The following SLC4A10 variants were observed in gnomAD, a reference collection of about 807,000 sequenced individuals.
The protein encoded by SLC4A10 is sodium-driven chloride bicarbonate exchanger.
SLC4A10 carries 42 observed loss-of-function variants against 137.7 expected under a neutral mutation model. That is an observed-to-expected ratio of 0.30 (90% CI 0.24 to 0.39). The LOEUF is 0.39. SLC4A10 is among the 10% of genes least tolerant of loss of function. The pLI, the probability that SLC4A10 is intolerant of heterozygous loss-of-function variation, is 1.00. For missense variants in SLC4A10, 925 were observed against 1,355.0 expected, an observed-to-expected ratio of 0.68 and a Z score of 4.98; for synonymous variants, 474 against 464.1, an observed-to-expected ratio of 1.02 and a Z score of -0.27.
intron 1 of SLC4A10, among the ~76,000 whole-genome samples, chr2:161,727,717 T>C (rs1360345835): frequency 1.3e-5 from 2 of 151,224 alleles, no homozygotes; most frequent in Non-Finnish European, 3.0e-5. Context: ...TCCAAGAAAA[T>C]TGAGAGGAAG....
intron 15 of SLC4A10, among the ~76,000 whole-genome samples, chr2:161,941,377 A>G (rs1319161777): frequency 2.6e-5 from 4 of 152,174 alleles, no homozygotes; most frequent in Non-Finnish European, 5.9e-5. Flanking sequence ...TGAGACAGGA[A>G]TTCATACTAA....
Position 161,983,480 on chromosome 2 carries a change from A to T in SLC4A10, c.*328A>T. On this transcript the variant is annotated 3_prime_UTR_variant, in exon 27 of 27. Coordinates refer to ENST00000446997, the MANE Select transcript of SLC4A10 (RefSeq NM_001178015.2). ...GTGTGTTCCTTGCTGTACGTTAGAC[A>T]TTTGTAAACTGGATTCTGATTGTCA... 1 of 435,830 alleles carries T rather than the reference A, an allele frequency of 2.3e-6. No homozygotes were observed. Among genetic ancestry groups the T allele is most frequent in the Non-Finnish European group, 4.0e-6 (1 of 248,732 alleles). The allele number at this position is 435,830 out of a possible 1,614,324, so 27.0% of individuals were successfully genotyped here. A position where few individuals can be genotyped will look rare whatever the true frequency, so the allele number is the denominator to read the frequency against.
At chr2:161,970,352 T>C (rs1698312700) in intron 23 of SLC4A10, among the ~76,000 whole-genome samples, 1 of 152,208 alleles carries the variant, frequency 6.6e-6, no homozygotes, top group African/African-American at 2.4e-5. Context: ...TTGGAAATCA[T>C]AAGTAATACC....
chr2:161,762,434 A>G (rs1327528611), intron 1 of SLC4A10, among the ~76,000 whole-genome samples: 1 of 152,134 alleles, frequency 6.6e-6, no homozygotes, highest in Non-Finnish European at 1.5e-5. Flanking sequence ...ATATTGCCCT[A>G]TTTAAAGCAG....
At chr2:161,763,047 T>C (rs1412211470) in intron 1 of SLC4A10, among the ~76,000 whole-genome samples, 2 of 152,118 alleles carry the variant, frequency 1.3e-5, no homozygotes, top group Non-Finnish European at 2.9e-5. Context: ...TTACATTTTA[T>C]TAGTTATTCT....
intron 3 of SLC4A10, among the ~76,000 whole-genome samples, chr2:161,827,932 G>C (rs970409211): frequency 6.6e-6 from 1 of 152,132 alleles, no homozygotes; most frequent in African/African-American, 2.4e-5. Flanking sequence ...TTTGGGGCTT[G>C]GTCCAATCTT....
At chr2:161,754,212 G>A (rs951212244) in intron 1 of SLC4A10, among the ~76,000 whole-genome samples, 4 of 152,036 alleles carry the variant, frequency 2.6e-5, no homozygotes, top group African/African-American at 9.7e-5. Flanking sequence ...GACTTCTTGA[G>A]TTGTATTGTC....
chr2:161,653,175 T>C (rs895276797), intron 1 of SLC4A10, among the ~76,000 whole-genome samples: 3 of 152,216 alleles, frequency 2.0e-5, no homozygotes, highest in African/African-American at 7.2e-5. Flanking sequence ...GCAAAGGACA[T>C]GAACTCATCC....
chr2:161,872,867 C>T (rs1213538660), intron 7 of SLC4A10, among the ~76,000 whole-genome samples: 1 of 152,122 alleles, frequency 6.6e-6, no homozygotes, highest in African/African-American at 2.4e-5. Flanking sequence ...GCGTGCACCA[C>T]TATGTCTGAC....
At chr2:161,942,765 AC>A (rs1256072038) in intron 15 of SLC4A10, 26 bp from the exon 16 acceptor site, 1 of 1,543,394 alleles carries the variant, frequency 6.5e-7, no homozygotes, top group African/African-American at 1.4e-5. Context: ...TACTTATTTC[AC>A]AAAAGACACT....
chr2:161,659,962 G>C (rs1484282344), intron 1 of SLC4A10, among the ~76,000 whole-genome samples: 2 of 151,954 alleles, frequency 1.3e-5, no homozygotes, highest in African/African-American at 4.8e-5. Flanking sequence ...CAAATCCATA[G>C]AGACAGAAGT....
At chr2:161,690,837 T>A (rs2041910943) in intron 1 of SLC4A10, among the ~76,000 whole-genome samples, 1 of 152,110 alleles carries the variant, frequency 6.6e-6, no homozygotes, top group Non-Finnish European at 1.5e-5. Flanking sequence ...TAATACATGC[T>A]GGGCTTAAAA....
At chr2:161,965,550 G>A (rs1338636045) in intron 23 of SLC4A10, among the ~76,000 whole-genome samples, 2 of 152,136 alleles carry the variant, frequency 1.3e-5, no homozygotes. Context: ...AGAACAAAAA[G>A]AAGAGACATT....
At chr2:161,950,609 G>C (rs1694629542) in intron 18 of SLC4A10, 78 bp from the exon 19 acceptor site, 1 of 1,367,824 alleles carries the variant, frequency 7.3e-7, no homozygotes, top group East Asian at 2.5e-5. Flanking sequence ...GGCTTTCCTA[G>C]TAGCATCTGT....
chr2:161,659,549 T>G (rs924008494), intron 1 of SLC4A10, among the ~76,000 whole-genome samples: 1 of 152,118 alleles, frequency 6.6e-6, no homozygotes, highest in Non-Finnish European at 1.5e-5. Context: ...ATGTGTATAT[T>G]TTTTGGGTGA....
intron 3 of SLC4A10, among the ~76,000 whole-genome samples, chr2:161,809,042 G>A (rs1183648496): frequency 6.6e-6 from 1 of 152,126 alleles, no homozygotes; most frequent in Non-Finnish European, 1.5e-5. Context: ...CAGTGTATAA[G>A]CATTCCGTTT....
chr2:161,647,101 A>G (rs2036161083), intron 1 of SLC4A10, among the ~76,000 whole-genome samples: 1 of 152,090 alleles, frequency 6.6e-6, no homozygotes, highest in Non-Finnish European at 1.5e-5. Flanking sequence ...TTCTTAATTG[A>G]AAACTGTTAA....
intron 15 of SLC4A10, among the ~76,000 whole-genome samples, chr2:161,915,350 C>T (rs1686895099): frequency 6.6e-6 from 1 of 152,158 alleles, no homozygotes; most frequent in Non-Finnish European, 1.5e-5. Flanking sequence ...GACCTCATTC[C>T]TCTTGGGCAC....
intron 19 of SLC4A10, among the ~76,000 whole-genome samples, chr2:161,952,218 T>C (rs1694924890): frequency 6.6e-6 from 1 of 152,174 alleles, no homozygotes; most frequent in Admixed American, 6.5e-5. Context: ...GGAAGTGAAA[T>C]GTGTGCTGAG....
Sources: gnomAD v4.1 joint callset for allele counts (sites outside exome capture counted in the v4.1 genomes callset) on GRCh38, gnomAD v4.1.1 for gene constraint, MANE v1.5 for transcripts, NCBI Gene and HGNC (gene_info 2026-07-23, HGNC 2026-07-21) for gene names.